The following MACROD2 variants were observed in gnomAD, a reference collection of about 807,000 sequenced individuals.
MACROD2 encodes mono-ADP ribosylhydrolase 2.
MACROD2 carries 36 observed loss-of-function variants against 70.4 expected under a neutral mutation model. The ratio of observed to expected loss-of-function variants is 0.51; its 90% CI spans 0.39 to 0.68. The LOEUF (loss-of-function observed/expected upper bound fraction) is 0.68. Ranked by LOEUF, MACROD2 falls within the 30% of genes least tolerant of loss-of-function variation. MACROD2 has a pLI of 0.00. For missense variants in MACROD2, 496 were observed against 538.4 expected, an observed-to-expected ratio of 0.92 and a Z score of 0.78; for synonymous variants, 172 against 178.8, an observed-to-expected ratio of 0.96 and a Z score of 0.30.
At chr20:15,058,556 A>G (rs147187296) in intron 5 of MACROD2, among the ~76,000 whole-genome samples, 55 of 152,270 alleles carry the variant, frequency 3.6e-4, no homozygotes, top group African/African-American at 1.1e-3. Flanking sequence ...CTGTATTTCT[A>G]TTTGCTAAAT....
At chr20:15,481,902 A>G (rs564127862) in intron 7 of MACROD2, among the ~76,000 whole-genome samples, 2 of 152,286 alleles carry the variant, frequency 1.3e-5, no homozygotes, top group East Asian at 1.9e-4. Flanking sequence ...CCATTGTGAC[A>G]TCTTGAATTT....
intron 2 of MACROD2, among the ~76,000 whole-genome samples, chr20:14,022,757 C>T (rs747431953): frequency 2.8e-4 from 42 of 152,192 alleles, no homozygotes; most frequent in African/African-American, 7.7e-4. Flanking sequence ...ATCCATGTCC[C>T]GGCAAAAGAG....
At chr20:15,578,171 T>C (rs2048474332) in intron 8 of MACROD2, among the ~76,000 whole-genome samples, 1 of 152,206 alleles carries the variant, frequency 6.6e-6, no homozygotes, top group Admixed American at 6.5e-5. Context: ...GTTGGGTGCA[T>C]GATCACAGGT....
chr20:16,048,330 AC>A (rs958595341), intron 17 of MACROD2, among the ~76,000 whole-genome samples: 1 of 152,202 alleles, frequency 6.6e-6, no homozygotes, highest in African/African-American at 2.4e-5. Context: ...GAATGACAAA[AC>A]AAATAAAAGC....
At chr20:15,931,066 C>T (rs926262666) in intron 10 of MACROD2, among the ~76,000 whole-genome samples, 61 of 152,154 alleles carry the variant, frequency 4.0e-4, no homozygotes, top group African/African-American at 1.1e-3. Context: ...TTGAGGGAGA[C>T]AGAGAAGCTG....
chr20:14,601,648 A>G (rs1982505899), intron 4 of MACROD2, among the ~76,000 whole-genome samples: 1 of 151,906 alleles, frequency 6.6e-6, no homozygotes, highest in Non-Finnish European at 1.5e-5. Flanking sequence ...TAATTTTCTT[A>G]TTTCTTTTTT....
intron 5 of MACROD2, among the ~76,000 whole-genome samples, chr20:15,028,265 T>A (rs1253100577): frequency 6.6e-6 from 1 of 152,116 alleles, no homozygotes; most frequent in Non-Finnish European, 1.5e-5. Context: ...GGGCTCAGGA[T>A]AGGCAAGTCC....
chr20:15,513,547 T>A (rs992101188), intron 8 of MACROD2, among the ~76,000 whole-genome samples: 6 of 152,170 alleles, frequency 3.9e-5, no homozygotes, highest in African/African-American at 1.4e-4. Flanking sequence ...CTTCAATATA[T>A]GTACCAGAGG....
At chr20:14,090,402 G>A (rs574426793) in intron 3 of MACROD2, among the ~76,000 whole-genome samples, 16 of 152,032 alleles carry the variant, frequency 1.1e-4, no homozygotes, top group African/African-American at 3.9e-4. Context: ...GTGAAACCCC[G>A]TCTCTACTGA....
At chr20:15,670,388 G>A (rs2023385) in intron 8 of MACROD2, among the ~76,000 whole-genome samples, 33,871 of 152,004 alleles carry the variant, frequency 0.22, 8,024 homozygotes, top group African/African-American at 0.59. Flanking sequence ...TTCAGTCTCC[G>A]TCCTGATGCA....
At chr20:15,998,512 A>C (rs2066663032) in intron 15 of MACROD2, among the ~76,000 whole-genome samples, 1 of 151,016 alleles carries the variant, frequency 6.6e-6, no homozygotes, top group African/African-American at 2.4e-5. Context: ...TTTCTTTGGC[A>C]TCACTTGTGA....
chr20:14,002,553 C>T, intron 2 of MACROD2, 149 bp downstream of exon 2: 1 of 555,358 alleles, frequency 1.8e-6, no homozygotes, highest in Non-Finnish European at 3.2e-6. Flanking sequence ...TTTTAGTAAC[C>T]TACGGTGTTT....
chr20:14,563,988 A>G (rs6079492), intron 4 of MACROD2, among the ~76,000 whole-genome samples: 99,715 of 151,772 alleles, frequency 0.66, 33,965 homozygotes, highest in East Asian at 0.93. Context: ...TGGTACTGGT[A>G]TAAAACTAGA....
At chr20:14,613,360 A>G (rs536950932) in intron 4 of MACROD2, among the ~76,000 whole-genome samples, 64 of 152,174 alleles carry the variant, frequency 4.2e-4, no homozygotes, top group African/African-American at 1.5e-3. Context: ...TCCCTGTGAG[A>G]GAGTATTTTA....
rs1306577395 is a variant in MACROD2, at chr20:14,322,783, G to GT, written c.272-170695dup. On this transcript the variant is annotated intron_variant, in intron 3 of 17. Transcript: ENST00000684519. ...ACATTTGTTGACCATAATAATAGTA[G>GT]TAACTTGTATTTTGTAGAAGATTAT... Among the ~76,000 whole-genome samples, 6 of 152,192 alleles carry GT rather than the reference G, an allele frequency of 3.9e-5. No homozygotes were observed. In the East Asian group the frequency reaches 7.7e-4, roughly 20 times the overall value.
Position 15,932,580 on chromosome 20 carries a change from T to A in MACROD2, c.776-696T>A, listed in dbSNP as rs181674848. Among the ~76,000 whole-genome samples the A allele has an allele frequency of 2.0e-5, 3 of 152,348 alleles. No individual in the cohort carries two copies. The East Asian group carries it at 5.8e-4, about 29-fold the overall frequency. ...CTTCATTTTCCAAACCAAAAGCAAT[T>A]TGGAGACCCTCCCAGCAATGAGTTA... On this transcript the variant is annotated intron_variant, in intron 10 of 17. Coordinates refer to ENST00000684519, the MANE Select transcript of MACROD2 (RefSeq NM_001351661.2).
At chr20:14,707,699 A>G (rs2071286546) in intron 5 of MACROD2, among the ~76,000 whole-genome samples, 1 of 152,154 alleles carries the variant, frequency 6.6e-6, no homozygotes, top group African/African-American at 2.4e-5. Context: ...ATAAATCACA[A>G]ATATATAAAT....
intron 8 of MACROD2, among the ~76,000 whole-genome samples, chr20:15,538,972 A>G (rs1001935266): frequency 6.6e-6 from 1 of 152,128 alleles, no homozygotes; most frequent in African/African-American, 2.4e-5. Context: ...CCTAATAAAT[A>G]ATATGTCTAT....
intron 3 of MACROD2, among the ~76,000 whole-genome samples, chr20:14,489,799 CA>C (rs1407494760): frequency 6.7e-6 from 1 of 149,830 alleles, no homozygotes; most frequent in East Asian, 1.9e-4. Context: ...GAAAAACAAA[CA>C]ATTACTGTGG....
Sources: gnomAD v4.1 joint callset for allele counts (sites outside exome capture counted in the v4.1 genomes callset) on GRCh38, gnomAD v4.1.1 for gene constraint, MANE v1.5 for transcripts, NCBI Gene and HGNC (gene_info 2026-07-23, HGNC 2026-07-21) for gene names.